PCDHGA7: variants seen among roughly 807,000 people sequenced by gnomAD.
PCDHGA7 encodes the protein protocadherin gamma-A7.
A neutral mutation model predicts 58.3 loss-of-function variants in PCDHGA7; 44 were observed. The observed-to-expected ratio is 0.75, with a 90% confidence interval of 0.59 to 0.97. The LOEUF is 0.97. Ranked by LOEUF, PCDHGA7 falls within the 50% of genes least tolerant of loss-of-function variation. The pLI is 0.00. For synonymous variants in PCDHGA7, 516 were observed against 504.2 expected (o/e 1.02, Z -0.31); for missense variants, 1,266 against 1,188.7 (o/e 1.06, Z -0.96).
At position 141,491,942 on chromosome 5, in the gene PCDHGA7, C is replaced by T. The variant is rs932715298; in HGVS notation, c.2425-2865C>T. 6.4e-5 allele frequency: 72 copies of T among 1,122,376 alleles called. No individual in the cohort carries two copies. Among genetic ancestry groups the T allele is most frequent in the Admixed American group, 3.5e-5 (1 of 28,738 alleles). 69.5% of individuals were successfully genotyped at this position (1,122,376 alleles called of 1,614,324 possible). A position where few individuals can be genotyped will look rare whatever the true frequency, so the allele number is the denominator to read the frequency against. ...GGCGAGGGGAGGTGGGACCGACCCC[C>T]ACCCCTACACTCAAAAAAGGCCGGG... is the stretch of plus-strand genomic sequence containing the variant. On this transcript the variant is annotated intron_variant, in intron 1 of 3. Transcript: ENST00000518325. The surrounding 1 kb of genome is among the most constrained non-coding windows in gnomAD (Gnocchi z 6.9).
intron 1 of PCDHGA7, chr5:141,429,265 T>C (rs1297239650): frequency 6.6e-6 from 1 of 152,148 alleles, no homozygotes; most frequent in Non-Finnish European, 1.5e-5. Flanking sequence ...GAGGAATAAA[T>C]TTTTTTCCTG....
At chr5:141,440,150 A>G (rs770863453) in intron 1 of PCDHGA7, 1 of 152,244 alleles carries the variant, frequency 6.6e-6, no homozygotes, top group African/African-American at 2.4e-5. Context: ...ACGCCCCCCA[A>G]TTATAGCTTG....
At chr5:141,393,707 T>TG in intron 1 of PCDHGA7, 2 of 1,613,882 alleles carry the variant, frequency 1.2e-6, no homozygotes, top group South Asian at 2.2e-5. Context: ...ATGAAAATAC[T>TG]GGGGAAATAT....
At chr5:141,446,822 A>G (rs976227044) in intron 1 of PCDHGA7, among the ~76,000 whole-genome samples, 1 of 152,206 alleles carries the variant, frequency 6.6e-6, no homozygotes, top group African/African-American at 2.4e-5. Flanking sequence ...TCAGATGGGT[A>G]GATCCTTATA....
At chr5:141,424,901 C>G (rs2096846997) in intron 1 of PCDHGA7, among the ~76,000 whole-genome samples, 1 of 152,134 alleles carries the variant, frequency 6.6e-6, no homozygotes, top group African/African-American at 2.4e-5. Context: ...TTTTTGATCA[C>G]AGGAATCATT....
At chr5:141,389,160 G>C in intron 1 of PCDHGA7, 4 of 1,613,996 alleles carry the variant, frequency 2.5e-6, no homozygotes, top group Non-Finnish European at 3.4e-6. Flanking sequence ...AACAGATCGG[G>C]GCAAGCCTCC....
chr5:141,443,243 C>T (rs755331096), intron 1 of PCDHGA7, among the ~76,000 whole-genome samples: 9 of 151,618 alleles, frequency 5.9e-5, no homozygotes, highest in Non-Finnish European at 1.0e-4. Flanking sequence ...CACTTTGGGG[C>T]GCCAAGGCGG....
chr5:141,410,154 A>C (rs1254712035), intron 1 of PCDHGA7: 1 of 1,612,962 alleles, frequency 6.2e-7, no homozygotes, highest in Non-Finnish European at 8.5e-7. Flanking sequence ...GACGGTGGAC[A>C]GCCGCCACTC....
In PCDHGA7 at chr5:141,485,865, C is replaced by T. The variant is rs1214425261; in HGVS notation, c.2425-8942C>T. The stretch of plus-strand genomic sequence containing the variant: ...TCTGGCACCGCAGAGCTCCGGGTAT[C>T]CGTGCTGGACGTAAACGACAACGCC... On this transcript the variant is annotated intron_variant, in intron 1 of 3. Transcript: ENST00000518325. The surrounding 1 kb of genome is among the most constrained non-coding windows in gnomAD (Gnocchi z 5.7). 23 of 1,614,182 alleles carry T rather than the reference C, an allele frequency of 1.4e-5. No homozygotes were observed. Among genetic ancestry groups the T allele is most frequent in the Non-Finnish European group, 1.8e-5 (21 of 1,180,034 alleles).
rs1389286417 is a variant in PCDHGA7 at position 141,432,046 on chromosome 5, C to T, written c.2424+46723C>T. ...CAGTGACCGCCACTGACCGGGGAAC[C>T]CCGCCCCTATCCACGGAAACTCATA... On this transcript the variant is annotated intron_variant, in intron 1 of 3. Transcript: ENST00000518325. This position sits in a 1 kb window ranked among gnomAD's most constrained non-coding sequence, Gnocchi z 6.0. 3.1e-6 allele frequency: 5 copies of T among 1,614,224 alleles called. No homozygotes were observed. The highest frequency in any genetic ancestry group is 2.2e-5 in the East Asian group (1 of 44,886).
At chr5:141,388,715 T>A (rs2091466126) in intron 1 of PCDHGA7, 1 of 1,613,878 alleles carries the variant, frequency 6.2e-7, no homozygotes, top group Non-Finnish European at 8.5e-7. Flanking sequence ...ATGCCGAGAT[T>A]ACTTTCTCTT....
chr5:141,408,985 G>A, intron 1 of PCDHGA7: 1 of 1,613,966 alleles, frequency 6.2e-7, no homozygotes, highest in South Asian at 1.1e-5. Context: ...GGTCCCCTGT[G>A]TTGCAAGTGA....
At position 141,421,262 on chromosome 5, in the gene PCDHGA7, G is replaced by GGCT. The variant is rs748368476; in HGVS notation, c.2424+35953_2424+35955dup. 2.6e-5 allele frequency: 42 copies of GGCT among 1,609,594 alleles called. No homozygotes were observed. The Admixed American group carries it at 3.2e-4, about 12-fold the overall frequency. On this transcript the variant is annotated intron_variant, in intron 1 of 3. Coordinates refer to ENST00000518325, the MANE Select transcript of PCDHGA7 (RefSeq NM_018920.4). ...CGGCTACAGCGCGGGGACCGCAGTC[G>GGCT]GCTGCTGCTGCTGCTGTGCATTTTC...
chr5:141,456,748 A>C (rs1448893002), intron 1 of PCDHGA7, among the ~76,000 whole-genome samples: 1 of 151,852 alleles, frequency 6.6e-6, no homozygotes, highest in Non-Finnish European at 1.5e-5. Context: ...GAGCATCATG[A>C]GGTCAGGAGT....
chr5:141,388,958 C>G, intron 1 of PCDHGA7: 1 of 1,613,930 alleles, frequency 6.2e-7, no homozygotes, highest in Non-Finnish European at 8.5e-7. Context: ...TGGAGGACGC[C>G]GAGCTGGGAA....
intron 3 of PCDHGA7, among the ~76,000 whole-genome samples, chr5:141,509,004 G>A (rs2099873761): frequency 6.6e-6 from 1 of 152,072 alleles, no homozygotes; most frequent in South Asian, 2.1e-4. Context: ...AGGAGAGGAG[G>A]AAGTGGGCAG....
intron 1 of PCDHGA7, chr5:141,387,603 C>G (rs905416609): frequency 1.8e-6 from 1 of 544,680 alleles, no homozygotes; most frequent in African/African-American, 1.9e-5. Context: ...GCAGCAGAGG[C>G]TGTAGTTTCC....
intron 1 of PCDHGA7, chr5:141,385,702 C>A: frequency 3.6e-6 from 1 of 278,020 alleles, no homozygotes; most frequent in Non-Finnish European, 5.7e-6. Context: ...TTCTCTTTAG[C>A]ATTCAAATAT....
Position 141,491,401 on chromosome 5 carries a change from G to A in PCDHGA7, c.2425-3406G>A. The A allele has an allele frequency of 6.2e-7, 1 of 1,614,100 alleles. No homozygotes were observed. ...GTCAGCGAAGTGCCTTCAGGGAAAC[G>A]CAGACGGGGACGGGGGTGGAGGGCA... On this transcript the variant is annotated intron_variant, in intron 1 of 3. Transcript: ENST00000518325. This position sits in a 1 kb window ranked among gnomAD's most constrained non-coding sequence, Gnocchi z 6.9.
Sources: gnomAD v4.1 joint callset for allele counts (sites outside exome capture counted in the v4.1 genomes callset) on GRCh38, gnomAD v4.1.1 for gene constraint, Gnocchi (gnomAD v3.1) non-coding constraint, MANE v1.5 for transcripts, NCBI Gene and HGNC (gene_info 2026-07-23, HGNC 2026-07-21) for gene names.